Variants in ANKRD12 observed in about 807,000 individuals in gnomAD.
ANKRD12 encodes ankyrin repeat domain 12.
In ANKRD12, 85 loss-of-function variants were observed where a neutral mutation model predicts 183.4. That is an observed-to-expected ratio of 0.46 (90% CI 0.39 to 0.56). The LOEUF is 0.56. Ranked by LOEUF, ANKRD12 falls within the 20% of genes least tolerant of loss-of-function variation. ANKRD12 has a pLI of 0.00. For missense variants in ANKRD12, 2,405 were observed against 2,357.1 expected (o/e 1.02, Z -0.42); for synonymous variants, 914 against 800.2 (o/e 1.14, Z -2.40).
At chr18:9,162,352 C>T (rs927195526) in intron 1 of ANKRD12, among the ~76,000 whole-genome samples, 5 of 152,140 alleles carry the variant, frequency 3.3e-5, no homozygotes, top group African/African-American at 1.2e-4. Flanking sequence ...CTTCCAGCTC[C>T]ATCCATGTCT....
chr18:9,248,334 C>CA (rs2145091805), intron 8 of ANKRD12, among the ~76,000 whole-genome samples: 1 of 152,312 alleles, frequency 6.6e-6, no homozygotes, highest in South Asian at 2.1e-4. Context: ...ACTTGCTGTA[C>CA]AATTATTAAA....
At chr18:9,153,308 A>G (rs1294724125) in intron 1 of ANKRD12, among the ~76,000 whole-genome samples, 4 of 152,244 alleles carry the variant, frequency 2.6e-5, no homozygotes, top group African/African-American at 9.6e-5. Context: ...TTGGTTTTAA[A>G]TAGTTTCCCC....
intron 1 of ANKRD12, among the ~76,000 whole-genome samples, chr18:9,152,932 A>G (rs2143608673): frequency 6.6e-6 from 1 of 151,952 alleles, no homozygotes; most frequent in East Asian, 2.0e-4. Context: ...TTTGTATGAA[A>G]TAGACTTATT....
intron 1 of ANKRD12, among the ~76,000 whole-genome samples, chr18:9,146,023 C>A (rs927413628): frequency 6.6e-6 from 1 of 152,208 alleles, no homozygotes; most frequent in African/African-American, 2.4e-5. Flanking sequence ...GGAAAAGGAC[C>A]TGTGTGTTTT....
intron 1 of ANKRD12, among the ~76,000 whole-genome samples, chr18:9,156,729 C>T (rs1420581127): frequency 6.6e-6 from 1 of 152,086 alleles, no homozygotes; most frequent in East Asian, 1.9e-4. Context: ...AATATCCACT[C>T]AGCAAAATGT....
intron 8 of ANKRD12, among the ~76,000 whole-genome samples, chr18:9,244,213 G>A (rs2037822987): frequency 3.9e-5 from 6 of 152,138 alleles, no homozygotes; most frequent in African/African-American, 1.4e-4. Context: ...TTTAAACCTA[G>A]AATGCTATCA....
In ANKRD12 at chr18:9,258,257, C is replaced by T. The variant is rs559868773; in HGVS notation, c.4990C>T (p.Leu1664=). 6.2e-7 allele frequency: 1 copy of T among 1,613,668 alleles called. No individual in the cohort carries two copies. The highest frequency in any genetic ancestry group is 8.5e-7 in the Non-Finnish European group (1 of 1,179,930). The change falls in exon 9 of 13, where the codon CTA becomes TTA. Residue 1664 remains leucine (L), a synonymous_variant. Coordinates refer to ENST00000262126, the MANE Select transcript of ANKRD12 (RefSeq NM_015208.5). ...EMNAGMPKGN[L]NEQDPKHCPE... is the part of the protein sequence containing the mutation. The stretch of plus-strand genomic sequence containing the variant: ...GAATGCAGGGATGCCAAAAGGAAAC[C>T]TAAATGAACAAGATCCAAAACATTG...
chr18:9,281,736 T>C lies in ANKRD12; in HGVS notation c.*610T>C, dbSNP rs983913425. ...GTCAAAACATGTACAAAGAAATACCTGTAAAACTGTTTTGTCTCATGTTTT... is the reference window on the plus strand; with the variant it reads ...GTCAAAACATGTACAAAGAAATACCCGTAAAACTGTTTTGTCTCATGTTTT... On this transcript the variant is annotated 3_prime_UTR_variant, in exon 13 of 13. Transcript: ENST00000262126. 4 of 152,708 alleles carry C rather than the reference T, an allele frequency of 2.6e-5. No homozygotes were observed. The highest frequency in any genetic ancestry group is 9.6e-5 in the African/African-American group (4 of 41,468). 9.5% of individuals were successfully genotyped at this position (152,708 alleles called of 1,614,324 possible). A position where few individuals can be genotyped will look rare whatever the true frequency, so the allele number is the denominator to read the frequency against.
At chr18:9,193,529 G>T (rs72937258) in intron 2 of ANKRD12, among the ~76,000 whole-genome samples, 11,151 of 151,720 alleles carry the variant, frequency 0.073, 418 homozygotes, top group African/African-American at 0.082. Context: ...TGTTTGTTTG[G>T]TTGTTTTTAT....
At chr18:9,192,288 T>C (rs2034500298) in intron 2 of ANKRD12, among the ~76,000 whole-genome samples, 1 of 152,208 alleles carries the variant, frequency 6.6e-6, no homozygotes, top group Non-Finnish European at 1.5e-5. Context: ...GTAGATGTTA[T>C]TCTTGTCACT....
chr18:9,205,404 T>C (rs1238250816), intron 4 of ANKRD12, among the ~76,000 whole-genome samples: 1 of 152,134 alleles, frequency 6.6e-6, no homozygotes, highest in Non-Finnish European at 1.5e-5. Flanking sequence ...AAACCTGTTT[T>C]ATACACTTTT....
intron 8 of ANKRD12, among the ~76,000 whole-genome samples, chr18:9,229,115 G>A (rs1199988329): frequency 6.6e-6 from 1 of 151,986 alleles, no homozygotes; most frequent in African/African-American, 2.4e-5. Context: ...AAGATCATTT[G>A]GCTGTAAATA....
intron 9 of ANKRD12, chr18:9,259,299 GTTGTATAAATTTATCCAGGAATTTA>G (rs1342634273): frequency 6.3e-6 from 1 of 157,540 alleles, no homozygotes; most frequent in Non-Finnish European, 1.4e-5. Context: ...GTATACATTT[GTTGTATAAATTTATCCAGGAATTTA>G]TACACATTTA....
intron 1 of ANKRD12, among the ~76,000 whole-genome samples, chr18:9,165,490 C>T (rs374644576): frequency 6.6e-6 from 1 of 152,098 alleles, no homozygotes; most frequent in Non-Finnish European, 1.5e-5. Flanking sequence ...AAACTTCATA[C>T]CAATTGAACA....
At chr18:9,177,520 G>C (rs746336783) in intron 1 of ANKRD12, among the ~76,000 whole-genome samples, 1 of 152,012 alleles carries the variant, frequency 6.6e-6, no homozygotes, top group African/African-American at 2.4e-5. Context: ...TGTAATGATC[G>C]AGTCAGATTA....
In ANKRD12 at chr18:9,282,133, C is replaced by G. The variant is rs1241147716; in HGVS notation, c.*1007C>G. On this transcript the variant is annotated 3_prime_UTR_variant, in exon 13 of 13. Coordinates refer to ENST00000262126, the MANE Select transcript of ANKRD12 (RefSeq NM_015208.5). ...TGTAAATGTCTATTTTAATATTCAC[C>G]TATGAAAGAATCTGTGAATATATGT... 1 of 152,524 alleles carries G rather than the reference C, an allele frequency of 6.6e-6. No homozygotes were observed. Among genetic ancestry groups the G allele is most frequent in the Non-Finnish European group, 1.5e-5 (1 of 67,968 alleles). The allele number at this position is 152,524 out of a possible 1,614,324, so 9.4% of individuals were successfully genotyped here. A position where few individuals can be genotyped will look rare whatever the true frequency, so the allele number is the denominator to read the frequency against.
intron 1 of ANKRD12, among the ~76,000 whole-genome samples, chr18:9,152,904 A>G (rs966880823): frequency 6.6e-6 from 1 of 151,848 alleles, no homozygotes; most frequent in African/African-American, 2.4e-5. Context: ...ATTCTTTTAC[A>G]TATTTGTCCT....
rs1381664574 is a variant in ANKRD12 at position 9,257,527 on chromosome 18, G to T, written c.4260G>T (p.Glu1420Asp). 6.2e-7 allele frequency: 1 copy of T among 1,614,116 alleles called. No homozygotes were observed. The stretch of plus-strand genomic sequence containing the variant: ...GTGTGATCCAGAATAAATCATGGGA[G>T]ATGCCTGTTGATAGACTAGAGACAT... ...QVGVIQNKSW[E>D]MPVDRLETLS... Residue 1420 changes from glutamate (E) to aspartate (D), a missense_variant, in exon 9 of 13, where the codon GAG (glutamate) becomes GAT (aspartate). Glu to Asp is a conservative substitution (Grantham distance 45, BLOSUM62 2). This residue lies in a region of ANKRD12 where 1,983 missense variants were observed against 1,725.9 expected (regional missense o/e 1.15). Coordinates refer to ENST00000262126, the MANE Select transcript of ANKRD12 (RefSeq NM_015208.5).
intron 1 of ANKRD12, among the ~76,000 whole-genome samples, chr18:9,167,750 C>T (rs2032235005): frequency 6.6e-6 from 1 of 152,174 alleles, no homozygotes; most frequent in Non-Finnish European, 1.5e-5. Context: ...ACTTCCAACA[C>T]TGTGTTGAAT....
Sources: allele counts gnomAD v4.1 joint callset (sites outside exome capture counted in the v4.1 genomes callset), GRCh38; gene constraint gnomAD v4.1.1; regional missense constraint gnomAD v4.1.1; transcripts MANE v1.5; gene names NCBI Gene and HGNC (gene_info 2026-07-23, HGNC 2026-07-21).